Variants in VPS8 observed in about 807,000 individuals in gnomAD.
The protein encoded by VPS8 is VPS8 subunit of CORVET complex, also known as vacuolar protein sorting-associated protein 8 homolog.
In VPS8, 129 loss-of-function variants were observed where a neutral mutation model predicts 216.4. The ratio of observed to expected loss-of-function variants is 0.60; its 90% CI spans 0.52 to 0.69. The LOEUF is 0.69. VPS8 is among the 30% of genes least tolerant of loss of function. The pLI, the probability that VPS8 is intolerant of heterozygous loss-of-function variation, is 0.00. For synonymous variants in VPS8, 571 were observed against 565.4 expected, an observed-to-expected ratio of 1.01 and a Z score of -0.14; for missense variants, 1,531 against 1,683.5, an observed-to-expected ratio of 0.91 and a Z score of 1.59.
chr3:184,959,377 C>A (rs1746119063), intron 37 of VPS8, among the ~76,000 whole-genome samples: 1 of 152,118 alleles, frequency 6.6e-6, no homozygotes, highest in Non-Finnish European at 1.5e-5. Flanking sequence ...CAAATTCTTA[C>A]TGAACTCATG....
chr3:184,996,241 A>G (rs1752594094), intron 43 of VPS8, 91 bp from the exon 44 acceptor site: 1 of 1,408,360 alleles, frequency 7.1e-7, no homozygotes, highest in Non-Finnish European at 9.4e-7. Flanking sequence ...GGTAGTTGAA[A>G]ACTAAACAAG....
chr3:184,985,532 A>G (rs890580840), intron 42 of VPS8, among the ~76,000 whole-genome samples: 1 of 152,174 alleles, frequency 6.6e-6, no homozygotes, highest in Non-Finnish European at 1.5e-5. Context: ...CACCTTTAGG[A>G]TTATCTGCTC....
At chr3:184,969,420 C>A (rs1447972953) in intron 39 of VPS8, among the ~76,000 whole-genome samples, 3 of 37,638 alleles carry the variant, frequency 8.0e-5, no homozygotes, top group African/African-American at 1.2e-4. Context: ...CCAGCCCCAC[C>A]CCCCCCCCTT....
At chr3:184,943,167 A>G (rs1024433888) in intron 36 of VPS8, among the ~76,000 whole-genome samples, 2 of 152,124 alleles carry the variant, frequency 1.3e-5, no homozygotes, top group African/African-American at 4.8e-5. Flanking sequence ...ACCTTCCTCC[A>G]TTTCCCCATC....
intron 3 of VPS8, among the ~76,000 whole-genome samples, chr3:184,827,829 C>T (rs1377701314): frequency 6.6e-6 from 1 of 152,106 alleles, no homozygotes; most frequent in Non-Finnish European, 1.5e-5. Flanking sequence ...TTATAAAGTG[C>T]AATATGACTA....
At chr3:185,005,752 TC>T (rs1242454485) in intron 45 of VPS8, among the ~76,000 whole-genome samples, 1 of 152,190 alleles carries the variant, frequency 6.6e-6, no homozygotes, top group Non-Finnish European at 1.5e-5. Context: ...TAATTTTTTA[TC>T]CTAAATCTTT....
chr3:184,990,071 CA>C (rs939788096), intron 42 of VPS8, among the ~76,000 whole-genome samples: 1 of 149,196 alleles, frequency 6.7e-6, no homozygotes, highest in African/African-American at 2.5e-5. Flanking sequence ...AGACTGTCTA[CA>C]AAAAAAAAGA....
chr3:185,012,677 A>T (rs766907343), intron 45 of VPS8, among the ~76,000 whole-genome samples: 9 of 151,904 alleles, frequency 5.9e-5, no homozygotes, highest in Non-Finnish European at 1.3e-4. Context: ...AAAAAAAAAG[A>T]GGCCAGAAGA....
intron 45 of VPS8, among the ~76,000 whole-genome samples, chr3:185,001,232 A>G (rs1050565187): frequency 6.6e-6 from 1 of 152,160 alleles, no homozygotes; most frequent in African/African-American, 2.4e-5. Context: ...TAGAGACTCC[A>G]TGGTTTAAGG....
intron 17 of VPS8, 120 bp downstream of exon 17, chr3:184,867,070 AAC>A: frequency 2.3e-6 from 2 of 863,658 alleles, no homozygotes; most frequent in Non-Finnish European, 3.5e-6. Context: ...AATTATCCTA[AAC>A]CCTTTGTGGT....
intron 34 of VPS8, among the ~76,000 whole-genome samples, chr3:184,933,675 G>A (rs1022087646): frequency 2.6e-5 from 4 of 152,006 alleles, no homozygotes; most frequent in African/African-American, 7.2e-5. Context: ...GATGGAAGTC[G>A]AGTTAAGTTT....
In VPS8 at chr3:184,862,966, CAA is replaced by C; in HGVS notation, c.1295_1296del (p.Gln432ArgfsTer17). 1.2e-6 allele frequency: 2 copies of C among 1,613,924 alleles called. No individual in the cohort carries two copies. Among genetic ancestry groups the C allele is most frequent in the East Asian group, 2.2e-5 (1 of 44,872 alleles). The stretch of plus-strand genomic sequence containing the variant: ...GTTGCATGTGATTGATCGGCAAACA[CAA>C]GAGGAATTGGAGACAGTGGAGATCT... ...EKLHVIDRQT[Q>X]EELETVEISE... On this transcript the variant is annotated frameshift_variant, in exon 16 of 48. Transcript: ENST00000625842. LOFTEE classifies it high-confidence loss of function.
intron 3 of VPS8, among the ~76,000 whole-genome samples, chr3:184,828,819 C>T (rs78148456): frequency 0.069 from 10,495 of 152,242 alleles, 425 homozygotes; most frequent in Non-Finnish European, 0.089. Context: ...ACAAACTGAA[C>T]AACCTGTGTA....
intron 28 of VPS8, among the ~76,000 whole-genome samples, chr3:184,917,606 A>G (rs1471573088): frequency 2.6e-5 from 4 of 152,110 alleles, no homozygotes. Flanking sequence ...TTTTTGCACC[A>G]TGTTGGCCAA....
At chr3:184,831,920 A>G (rs1052398168) in intron 3 of VPS8, among the ~76,000 whole-genome samples, 1 of 152,132 alleles carries the variant, frequency 6.6e-6, no homozygotes, top group Non-Finnish European at 1.5e-5. Flanking sequence ...CATGGTTCCC[A>G]TCATGTCTTT....
chr3:184,883,120 T>C (rs143138006), intron 21 of VPS8, among the ~76,000 whole-genome samples: 4 of 152,348 alleles, frequency 2.6e-5, no homozygotes, highest in African/African-American at 4.8e-5. Context: ...CCTGTAGATA[T>C]CTGTGACTGT....
intron 46 of VPS8, 101 bp downstream of exon 46, chr3:185,024,490 T>A (rs1420296633): frequency 7.8e-7 from 1 of 1,285,132 alleles, no homozygotes. Context: ...TTAATCATCT[T>A]AATGCTGTCA....
intron 1 of VPS8, chr3:184,812,516 C>T (rs949896218): frequency 2.0e-5 from 3 of 152,208 alleles, no homozygotes; most frequent in African/African-American, 4.8e-5. Flanking sequence ...TTCAAATGGG[C>T]TTAAGTAAAA....
At chr3:184,959,263 G>A (rs919910515) in intron 37 of VPS8, among the ~76,000 whole-genome samples, 80 of 152,068 alleles carry the variant, frequency 5.3e-4, no homozygotes, top group Admixed American at 5.1e-3. Context: ...TTAAAGTTAA[G>A]CTTAGTTTCT....
Sources: allele counts gnomAD v4.1 joint callset (sites outside exome capture counted in the v4.1 genomes callset), GRCh38; gene constraint gnomAD v4.1.1; transcripts MANE v1.5; gene names NCBI Gene and HGNC (gene_info 2026-07-23, HGNC 2026-07-21).